ADCY2: variants seen among roughly 807,000 people sequenced by gnomAD.
ADCY2 encodes the protein adenylate cyclase type 2.
ADCY2 carries 31 observed loss-of-function variants against 125.2 expected under a neutral mutation model. The observed-to-expected ratio is 0.25, with a 90% confidence interval of 0.19 to 0.33. The LOEUF is 0.33. Ranked by LOEUF, ADCY2 falls within the 10% of genes least tolerant of loss-of-function variation. ADCY2 has a pLI of 1.00. For missense variants in ADCY2, 904 were observed against 1,418.2 expected (o/e 0.64, Z 5.82); for synonymous variants, 512 against 548.4 (o/e 0.93, Z 0.93).
At chr5:7,437,948 C>G (rs994492173) in intron 2 of ADCY2, among the ~76,000 whole-genome samples, 1 of 152,196 alleles carries the variant, frequency 6.6e-6, no homozygotes, top group African/African-American at 2.4e-5. Flanking sequence ...GATTTTTGTG[C>G]TCCTGTGGTC....
intron 12 of ADCY2, 137 bp from the exon 13 acceptor site, chr5:7,724,408 G>GTTTT: frequency 4.1e-5 from 23 of 565,348 alleles, no homozygotes; most frequent in South Asian, 6.4e-5. Flanking sequence ...GGCATCACGT[G>GTTTT]TTTTTTTTTT....
At chr5:7,539,508 AT>A (rs781140813) in intron 3 of ADCY2, among the ~76,000 whole-genome samples, 3 of 152,254 alleles carry the variant, frequency 2.0e-5, no homozygotes, top group African/African-American at 4.8e-5. Context: ...TAGTCAAGTC[AT>A]GCATACTGTA....
chr5:7,694,154 G>T (rs2126317548), intron 5 of ADCY2, among the ~76,000 whole-genome samples: 1 of 152,298 alleles, frequency 6.6e-6, no homozygotes, highest in East Asian at 1.9e-4. Context: ...TTCCTCAAAG[G>T]TGCAGCCACA....
chr5:7,459,047 G>A (rs1741814337), intron 2 of ADCY2, among the ~76,000 whole-genome samples: 1 of 152,162 alleles, frequency 6.6e-6, no homozygotes, highest in Admixed American at 6.5e-5. Context: ...CTGTGCGTTG[G>A]CTGGGATTTG....
At chr5:7,803,422 G>A (rs1220858226) in intron 21 of ADCY2, among the ~76,000 whole-genome samples, 1 of 152,214 alleles carries the variant, frequency 6.6e-6, no homozygotes, top group East Asian at 1.9e-4. Context: ...AGCGCCATTT[G>A]AGCCCTGCCC....
intron 3 of ADCY2, among the ~76,000 whole-genome samples, chr5:7,566,519 G>T (rs902348597): frequency 6.6e-6 from 1 of 151,968 alleles, no homozygotes; most frequent in Non-Finnish European, 1.5e-5. Flanking sequence ...GAGAGAGAGA[G>T]AGAAAGGGAC....
intron 3 of ADCY2, 54 bp from the exon 4 acceptor site, chr5:7,626,113 T>G: frequency 6.4e-7 from 1 of 1,561,582 alleles, no homozygotes; most frequent in East Asian, 2.3e-5. Context: ...GTTTTGATTG[T>G]ATTCACAAGT....
rs326175 is a variant in ADCY2, at chr5:7,829,700, G to C, written c.*2829G>C. On this transcript the variant is annotated 3_prime_UTR_variant, in exon 25 of 25. Transcript: ENST00000338316. ...GTGTCTAAGTTTTGTCATCAATCCA[G>C]GATGTTATTCTTCCTTCCCAACTCA... The C allele has an allele frequency of 0.62, 93,963 of 152,272 alleles. 29,534 individuals carry two copies. Among genetic ancestry groups the C allele is most frequent in the African/African-American group, 0.71 (29,351 of 41,478 alleles). The allele number at this position is 152,272 out of a possible 1,614,324, so 9.4% of individuals were successfully genotyped here. A position where few individuals can be genotyped will look rare whatever the true frequency, so the allele number is the denominator to read the frequency against.
intron 24 of ADCY2, among the ~76,000 whole-genome samples, chr5:7,825,912 G>A (rs562882679): frequency 2.0e-5 from 3 of 152,208 alleles, no homozygotes; most frequent in Admixed American, 1.3e-4. Flanking sequence ...GCAAGTTCAC[G>A]GCCATCCGAC....
intron 7 of ADCY2, among the ~76,000 whole-genome samples, chr5:7,699,220 C>CT (rs1740999292): frequency 1.4e-5 from 2 of 146,838 alleles, no homozygotes; most frequent in African/African-American, 5.0e-5. Flanking sequence ...GCCTCAGCCT[C>CT]CCAAGTAGCT....
At chr5:7,488,997 C>T (rs1470493287) in intron 2 of ADCY2, among the ~76,000 whole-genome samples, 2 of 152,166 alleles carry the variant, frequency 1.3e-5, no homozygotes, top group Non-Finnish European at 2.9e-5. Flanking sequence ...CTGATGTGAG[C>T]TGATTCAAAT....
chr5:7,660,832 C>G (rs370542632), intron 4 of ADCY2, among the ~76,000 whole-genome samples: 41 of 152,080 alleles, frequency 2.7e-4, no homozygotes, highest in Non-Finnish European at 5.3e-4. Flanking sequence ...ACCATTTGCC[C>G]GAACAACTGG....
chr5:7,731,128 G>C lies in ADCY2; in HGVS notation c.1871+3867G>C, dbSNP rs535306922. On this transcript the variant is annotated intron_variant, in intron 14 of 24. Transcript: ENST00000338316. ...TCTGATAAATTCTTCACCCAACATT[G>C]AGATTATAATCTTTATGATTATTGT... Among the ~76,000 whole-genome samples, 4 of 152,002 alleles carry C rather than the reference G, an allele frequency of 2.6e-5. No homozygotes were observed. The South Asian group carries it at 8.3e-4, about 32-fold the overall frequency.
In ADCY2 at chr5:7,633,875, G is replaced by C. The variant is rs904381494; in HGVS notation, c.720+7559G>C. On this transcript the variant is annotated intron_variant, in intron 4 of 24. Coordinates refer to ENST00000338316, the MANE Select transcript of ADCY2 (RefSeq NM_020546.3). Reference sequence around the variant, plus strand: ...TTAATACTCTGTGATATGGTACTTTGATGCTGGTAAGAATGTTTAATAGGC... The same window carrying C: ...TTAATACTCTGTGATATGGTACTTTCATGCTGGTAAGAATGTTTAATAGGC... Among the ~76,000 whole-genome samples the C allele has an allele frequency of 2.8e-4, 43 of 152,300 alleles. 1 individual carries two copies. Among genetic ancestry groups the C allele is most frequent in the African/African-American group, 9.6e-4 (40 of 41,560 alleles).
chr5:7,497,942 A>G (rs143011369), intron 2 of ADCY2, among the ~76,000 whole-genome samples: 2 of 152,222 alleles, frequency 1.3e-5, no homozygotes, highest in Non-Finnish European at 2.9e-5. Context: ...ATAAGTGAAT[A>G]TACTGAGTTC....
At chr5:7,499,810 GA>G (rs1173536323) in intron 2 of ADCY2, among the ~76,000 whole-genome samples, 2 of 150,504 alleles carry the variant, frequency 1.3e-5, no homozygotes, top group African/African-American at 4.9e-5. Flanking sequence ...CCCATATAGA[GA>G]AAAAACACAG....
At position 7,717,181 on chromosome 5, in the gene ADCY2, TGAA is replaced by T; in HGVS notation, c.1654_1656del (p.Glu552del). The T allele has an allele frequency of 6.2e-7, 1 of 1,611,038 alleles. No individual in the cohort carries two copies. The highest frequency in any genetic ancestry group is 8.5e-7 in the Non-Finnish European group (1 of 1,177,896). On this transcript the variant is annotated inframe_deletion, in exon 12 of 25. Transcript: ENST00000338316. The stretch of plus-strand genomic sequence containing the variant: ...GAACCAAGTCACAAAAGAAGAGATT[TGAA>T]GAAGAATTGAATGAAAGGATGATTC...
chr5:7,811,978 CAG>C (rs1349342035), intron 22 of ADCY2, among the ~76,000 whole-genome samples: 3 of 152,208 alleles, frequency 2.0e-5, no homozygotes, highest in South Asian at 2.1e-4. Context: ...TGACTGCTCA[CAG>C]AGTTTTACAG....
intron 1 of ADCY2, among the ~76,000 whole-genome samples, chr5:7,398,892 T>C (rs114513726): frequency 0.03 from 4,601 of 152,322 alleles, 85 homozygotes; most frequent in Non-Finnish European, 0.035. Context: ...CATCTCTGCT[T>C]TCCAAAACAC....
Sources: allele counts gnomAD v4.1 joint callset (sites outside exome capture counted in the v4.1 genomes callset), GRCh38; gene constraint gnomAD v4.1.1; transcripts MANE v1.5; gene names NCBI Gene and HGNC (gene_info 2026-07-23, HGNC 2026-07-21).